GREB1: variants seen among roughly 807,000 people sequenced by gnomAD.
The protein encoded by GREB1 is protein GREB1.
In GREB1, 106 loss-of-function variants were observed where a neutral mutation model predicts 200.7. That is an observed-to-expected ratio of 0.53 (90% CI 0.45 to 0.62). The LOEUF (loss-of-function observed/expected upper bound fraction) is 0.62, where lower values mean the gene tolerates loss of function less well. Among genes scored for constraint, GREB1 ranks in the 20% least tolerant of loss-of-function variants. GREB1 has a pLI of 0.00. For synonymous variants in GREB1, 1,132 were observed against 1,092.4 expected (o/e 1.04, Z -0.72); for missense variants, 2,243 against 2,556.8 (o/e 0.88, Z 2.65).
chr2:11,624,250 C>T (rs1238138604), intron 23 of GREB1, among the ~76,000 whole-genome samples: 1 of 152,130 alleles, frequency 6.6e-6, no homozygotes. Flanking sequence ...CTGCAAGCCC[C>T]GTGCAAGGTG....
At chr2:11,551,339 TTAAAGA>T (rs1349113830) in intron 1 of GREB1, among the ~76,000 whole-genome samples, 4 of 152,246 alleles carry the variant, frequency 2.6e-5, no homozygotes, top group African/African-American at 9.6e-5. Context: ...TGCCTCACTC[TTAAAGA>T]TAAGCAGATA....
rs1277486002 is a variant in GREB1, at chr2:11,641,387, G to A, written c.*933G>A. ...CTCAGGGAAGAATCTCACTTGACTA[G>A]AGAGGAGGTGGGAACAGAAGAGAGA... On this transcript the variant is annotated 3_prime_UTR_variant, in exon 33 of 33. Coordinates refer to ENST00000381486, the MANE Select transcript of GREB1 (RefSeq NM_014668.4). 1.3e-5 allele frequency: 2 copies of A among 152,236 alleles called. No individual in the cohort carries two copies. Among genetic ancestry groups the A allele is most frequent in the Non-Finnish European group, 2.9e-5 (2 of 68,054 alleles). 9.4% of individuals were successfully genotyped at this position (152,236 alleles called of 1,614,324 possible). A position where few individuals can be genotyped will look rare whatever the true frequency, so the allele number is the denominator to read the frequency against.
intron 23 of GREB1, among the ~76,000 whole-genome samples, chr2:11,623,174 G>A (rs1450299189): frequency 3.9e-5 from 6 of 152,166 alleles, no homozygotes; most frequent in Non-Finnish European, 8.8e-5. Flanking sequence ...TAGTGATATC[G>A]TAGTCATCGG....
At position 11,625,223 on chromosome 2, in the gene GREB1, A is replaced by G. The variant is rs1684345395; in HGVS notation, c.4217A>G (p.Lys1406Arg). 6.2e-7 allele frequency: 1 copy of G among 1,613,988 alleles called. No homozygotes were observed. The highest frequency in any genetic ancestry group is 1.3e-5 in the African/African-American group (1 of 74,944). The change falls in exon 24 of 33, where the codon AAG (lysine) becomes AGG (arginine). Residue 1406 changes from lysine (K) to arginine (R), a missense_variant. Physicochemically the swap from Lys to Arg is conservative, Grantham distance 26. Around this residue, in one of 3 missense-constraint regions of GREB1, gnomAD observed 587 missense variants for 553.1 expected, o/e 1.06. Coordinates refer to ENST00000381486, the MANE Select transcript of GREB1 (RefSeq NM_014668.4). ...SDPWPDLELFKKLPFDYIIHD... is the reference protein window; with the variant it reads ...SDPWPDLELFRKLPFDYIIHD... ...CCCTGGCCAGACCTGGAGCTGTTCAAGAAGTTGCCCTTTGACTACATCATT... is the reference window on the plus strand; with the variant it reads ...CCCTGGCCAGACCTGGAGCTGTTCAGGAAGTTGCCCTTTGACTACATCATT...
rs1572155642 is a variant in GREB1 at position 11,618,328 on chromosome 2, A to C, written c.3453A>C (p.Ala1151=). 2.5e-6 allele frequency: 4 copies of C among 1,595,548 alleles called. No homozygotes were observed. Among genetic ancestry groups the C allele is most frequent in the Non-Finnish European group, 3.4e-6 (4 of 1,169,288 alleles). Residue 1151 remains alanine (A), a synonymous_variant, in exon 22 of 33, where the codon GCA becomes GCC. Transcript: ENST00000381486. ...LGGESSAQPT[A]LPQGEHARSP... Reference sequence around the variant, plus strand: ...GCGAGTCCTCGGCTCAGCCCACAGCACTCCCCCAGGGAGAGCATGCCAGGT... The same window carrying C: ...GCGAGTCCTCGGCTCAGCCCACAGCCCTCCCCCAGGGAGAGCATGCCAGGT...
intron 1 of GREB1, among the ~76,000 whole-genome samples, chr2:11,515,945 G>A (rs1456889176): frequency 2.0e-5 from 3 of 152,192 alleles, no homozygotes; most frequent in Non-Finnish European, 2.9e-5. Flanking sequence ...ACAGCACTTC[G>A]GGCATGCCGC....
chr2:11,592,344 TTTA>T (rs922847480), intron 10 of GREB1, among the ~76,000 whole-genome samples: 13 of 149,954 alleles, frequency 8.7e-5, no homozygotes, highest in African/African-American at 3.3e-4. Flanking sequence ...TTTTTTTTTT[TTTA>T]AAAAGAGGAC....
At chr2:11,598,229 T>A (rs938198022) in intron 14 of GREB1, among the ~76,000 whole-genome samples, 1 of 152,242 alleles carries the variant, frequency 6.6e-6, no homozygotes, top group Non-Finnish European at 1.5e-5. Flanking sequence ...CATGTTGCTA[T>A]CTAGCGTCAC....
At chr2:11,613,128 G>T (rs1372744923) in intron 19 of GREB1, among the ~76,000 whole-genome samples, 2 of 152,176 alleles carry the variant, frequency 1.3e-5, no homozygotes, top group South Asian at 2.1e-4. Context: ...TGTCTCAAAA[G>T]ATGTGTCCCT....
intron 7 of GREB1, among the ~76,000 whole-genome samples, chr2:11,582,350 A>G (rs929455144): frequency 6.6e-6 from 1 of 152,184 alleles, no homozygotes; most frequent in Non-Finnish European, 1.5e-5. Flanking sequence ...CCGTTCCAGA[A>G]TCTGGCTCCA....
chr2:11,637,277 C>T (rs898679238), intron 30 of GREB1, among the ~76,000 whole-genome samples: 6 of 151,126 alleles, frequency 4.0e-5, no homozygotes, highest in South Asian at 2.1e-4. Context: ...GTCTGATTTA[C>T]GTAGATGTAA....
At chr2:11,624,131 G>A (rs1429227128) in intron 23 of GREB1, among the ~76,000 whole-genome samples, 2 of 152,096 alleles carry the variant, frequency 1.3e-5, no homozygotes, top group Non-Finnish European at 2.9e-5. Context: ...TATAAATCGA[G>A]TGTATCCTAA....
Position 11,585,869 on chromosome 2 carries a change from C to G in GREB1, c.1123C>G (p.Leu375Val). 1 of 1,613,994 alleles carries G rather than the reference C, an allele frequency of 6.2e-7. No homozygotes were observed. The highest frequency in any genetic ancestry group is 8.5e-7 in the Non-Finnish European group (1 of 1,180,028). ...ACCAGTGTCTGTTCCTGACAACTTG[C>G]TGAAAATATGCAAGGCCAAGCCAGT... ...GEPVSVPDNLLKICKAKPVIF... is the reference protein window; with the variant it reads ...GEPVSVPDNLVKICKAKPVIF... Residue 375 changes from leucine to valine, a missense_variant, in exon 9 of 33, where the codon CTG (leucine) becomes GTG (valine). By Grantham distance (32) the Leu-to-Val change is conservative (BLOSUM62 1). Coordinates refer to ENST00000381486, the MANE Select transcript of GREB1 (RefSeq NM_014668.4).
At chr2:11,602,773 C>T (rs1396147236) in intron 17 of GREB1, among the ~76,000 whole-genome samples, 3 of 151,978 alleles carry the variant, frequency 2.0e-5, no homozygotes, top group Admixed American at 6.6e-5. Flanking sequence ...TGACAATGAG[C>T]GGAAATATGC....
rs1681869370 is a variant in GREB1, at chr2:11,602,453, GT to G, written c.2580del (p.Phe860LeufsTer27). On this transcript the variant is annotated frameshift_variant, in exon 17 of 33. Transcript: ENST00000381486. LOFTEE classifies it high-confidence loss of function. The part of the protein sequence containing the change: ...ENKKYFGLSE[F>X]IESTLSGHSL... ...ATAAGAAGTACTTCGGGCTGTCGGA[GT>G]TTATTGAATCCACCCTTTCAGGACA... 1 of 1,613,126 alleles carries G rather than the reference GT, an allele frequency of 6.2e-7. No homozygotes were observed. The highest frequency in any genetic ancestry group is 8.5e-7 in the Non-Finnish European group (1 of 1,179,156).
chr2:11,532,597 T>C (rs1279529393), upstream of GREB1, among the ~76,000 whole-genome samples: 2 of 152,220 alleles, frequency 1.3e-5, no homozygotes, highest in African/African-American at 4.8e-5. Flanking sequence ...TGATGAATCA[T>C]ACCTAAACAA....
rs1401352039 is a variant in GREB1, at chr2:11,621,085, A to T, written c.4147+78A>T. On this transcript the variant is annotated intron_variant, in intron 23 of 32. Coordinates refer to ENST00000381486, the MANE Select transcript of GREB1 (RefSeq NM_014668.4). ...TCAAGTGACTTTAATTTTATATTTC[A>T]CTTTCTAGATGGAATTCTCAGATTC... is the stretch of plus-strand genomic sequence containing the variant. 4.6e-6 allele frequency: 4 copies of T among 864,686 alleles called. No homozygotes were observed. The African/African-American group carries it at 4.9e-5, about 11-fold the overall frequency. 53.6% of individuals were successfully genotyped at this position (864,686 alleles called of 1,614,324 possible).
At chr2:11,637,624 C>A in intron 30 of GREB1, 92 bp from the exon 31 acceptor site, 1 of 1,070,256 alleles carries the variant, frequency 9.3e-7, no homozygotes, top group Admixed American at 1.9e-5. Flanking sequence ...GACACAAGCT[C>A]CCATGCTTGG....
rs148919450 is a variant in GREB1 at position 11,579,284 on chromosome 2, C to T, written c.772+853C>T. 4.6e-5 allele frequency among the ~76,000 whole-genome samples: 7 copies of T among 152,320 alleles called. No individual in the cohort carries two copies. The East Asian group carries it at 1.4e-3, about 29-fold the overall frequency. ...GCCTCTGCCATCATGGCCTGGAGAG[C>T]CTGCTGTTTTTGCTGTCAGGGTGCC... On this transcript the variant is annotated intron_variant, in intron 6 of 32. Transcript: ENST00000381486.
Sources: allele counts gnomAD v4.1 joint callset (sites outside exome capture counted in the v4.1 genomes callset), GRCh38; gene constraint gnomAD v4.1.1; regional missense constraint gnomAD v4.1.1; transcripts MANE v1.5; gene names NCBI Gene and HGNC (gene_info 2026-07-23, HGNC 2026-07-21).